PTPRG: variants seen among roughly 807,000 people sequenced by gnomAD.
PTPRG encodes the protein protein tyrosine phosphatase receptor type G.
In PTPRG, 102 loss-of-function variants were observed where a neutral mutation model predicts 165.3. That is an observed-to-expected ratio of 0.62 (90% CI 0.53 to 0.73). PTPRG has a LOEUF of 0.73. Among genes scored for constraint, PTPRG ranks in the 30% least tolerant of loss-of-function variants. PTPRG has a pLI of 0.00. For synonymous variants in PTPRG, 675 were observed against 669.5 expected (o/e 1.01, Z -0.13); for missense variants, 1,866 against 1,861.4 (o/e 1.00, Z -0.05).
intron 13 of PTPRG, among the ~76,000 whole-genome samples, chr3:62,220,304 G>A (rs1214288187): frequency 1.3e-5 from 2 of 152,236 alleles, no homozygotes; most frequent in Non-Finnish European, 2.9e-5. Flanking sequence ...AGAATGTTAT[G>A]ATTTGACTTG....
At chr3:62,137,107 G>C (rs1324192115) in intron 6 of PTPRG, among the ~76,000 whole-genome samples, 1 of 152,174 alleles carries the variant, frequency 6.6e-6, no homozygotes, top group Non-Finnish European at 1.5e-5. Context: ...TGCAGTGATA[G>C]ATGGAAGCAC....
intron 5 of PTPRG, among the ~76,000 whole-genome samples, chr3:62,109,935 C>T (rs764202322): frequency 6.6e-5 from 10 of 152,124 alleles, no homozygotes; most frequent in Non-Finnish European, 1.2e-4. Context: ...ATCACCAGCA[C>T]ACCCTCTGGC....
In PTPRG at chr3:62,296,565, C is replaced by T. The variant is rs769918915; in HGVS notation, c.*3258C>T. On this transcript the variant is annotated 3_prime_UTR_variant, in exon 30 of 30. Coordinates refer to ENST00000474889, the MANE Select transcript of PTPRG (RefSeq NM_002841.4). ...TTGTCTTAAGAATTTAGTGGTTATA[C>T]TGGAAATGCATTTTCAACTCCTATG... The T allele has an allele frequency of 1.3e-5, 2 of 150,608 alleles. No homozygotes were observed. Among genetic ancestry groups the T allele is most frequent in the African/African-American group, 2.4e-5 (1 of 41,056 alleles). The allele number at this position is 150,608 out of a possible 1,614,324, so 9.3% of individuals were successfully genotyped here.
chr3:61,661,453 C>T (rs1702666899), intron 1 of PTPRG, among the ~76,000 whole-genome samples: 1 of 151,796 alleles, frequency 6.6e-6, no homozygotes, highest in Non-Finnish European at 1.5e-5. Flanking sequence ...TCTTATTTAT[C>T]TGGCTTCCTA....
At chr3:62,012,973 T>C (rs2041462859) in intron 4 of PTPRG, among the ~76,000 whole-genome samples, 1 of 152,210 alleles carries the variant, frequency 6.6e-6, no homozygotes, top group African/African-American at 2.4e-5. Flanking sequence ...CAATACTATC[T>C]GGTAAAAATA....
At chr3:61,749,199 A>C (rs2033335376) in intron 2 of PTPRG, 1 of 656,894 alleles carries the variant, frequency 1.5e-6, no homozygotes, top group South Asian at 1.5e-5. Context: ...TTTTCCCCTC[A>C]ATTTGCGTTT....
chr3:61,758,597 G>A (rs945402438), intron 2 of PTPRG, among the ~76,000 whole-genome samples: 3 of 151,940 alleles, frequency 2.0e-5, no homozygotes, highest in African/African-American at 7.3e-5. Context: ...GACTACAGGC[G>A]TGCACCACCA....
chr3:61,976,636 A>G (rs530365984), intron 2 of PTPRG, among the ~76,000 whole-genome samples: 2 of 152,144 alleles, frequency 1.3e-5, no homozygotes, highest in South Asian at 4.2e-4. Flanking sequence ...TTTAATATGG[A>G]TCTGATATAA....
At position 61,719,169 on chromosome 3, in the gene PTPRG, T is replaced by C. The variant is rs185063717; in HGVS notation, c.86-29709T>C. Reference sequence around the variant, plus strand: ...TGCCTGCTGTGAAACTGTACGATCTTACAATGGAGAGAGAAGAATGGCAAT... The same window carrying C: ...TGCCTGCTGTGAAACTGTACGATCTCACAATGGAGAGAGAAGAATGGCAAT... On this transcript the variant is annotated intron_variant, in intron 1 of 29. Transcript: ENST00000474889. 7.6e-4 allele frequency among the ~76,000 whole-genome samples: 116 copies of C among 152,320 alleles called. 1 individual carries two copies. The highest frequency in any genetic ancestry group is 2.6e-3 in the African/African-American group (110 of 41,576).
At chr3:62,147,619 T>C (rs1284834799) in intron 6 of PTPRG, among the ~76,000 whole-genome samples, 2 of 152,210 alleles carry the variant, frequency 1.3e-5, no homozygotes, top group African/African-American at 4.8e-5. Context: ...GATGTTGACT[T>C]GGAGATGAGG....
rs775348956 is a variant in PTPRG, at chr3:62,272,944, A to G, written c.3183-2A>G. ...CCAGTTGAGTGTCTTCATTTCTTAC[A>G]GTGCTGGTGTGGGCAGAACAGGCAC... On this transcript the variant is annotated splice_acceptor_variant, in intron 21 of 29. Coordinates refer to ENST00000474889, the MANE Select transcript of PTPRG (RefSeq NM_002841.4). LOFTEE classifies it high-confidence loss of function. 6.3e-7 allele frequency: 1 copy of G among 1,583,388 alleles called. No individual in the cohort carries two copies. Among genetic ancestry groups the G allele is most frequent in the Non-Finnish European group, 8.6e-7 (1 of 1,167,700 alleles).
intron 4 of PTPRG, among the ~76,000 whole-genome samples, chr3:62,077,342 A>G (rs1192317943): frequency 6.6e-6 from 1 of 152,124 alleles, no homozygotes; most frequent in Non-Finnish European, 1.5e-5. Context: ...GGTTGGGATG[A>G]AAGCACATGG....
At chr3:61,769,861 C>G (rs571637854) in intron 2 of PTPRG, 1 of 152,222 alleles carries the variant, frequency 6.6e-6, no homozygotes, top group South Asian at 2.1e-4. Context: ...ATTAGACAAT[C>G]AGAAGTGTTT....
At chr3:62,020,830 GCACA>G (rs1265529239) in intron 4 of PTPRG, among the ~76,000 whole-genome samples, 1 of 141,434 alleles carries the variant, frequency 7.1e-6, no homozygotes, top group East Asian at 2.0e-4. Context: ...GTGTCACCAT[GCACA>G]GGTTTTTTTT....
At chr3:61,580,381 A>ATTTT (rs36020375) in intron 1 of PTPRG, among the ~76,000 whole-genome samples, 8 of 137,676 alleles carry the variant, frequency 5.8e-5, no homozygotes, top group South Asian at 2.3e-4. Context: ...CTCTATTCTG[A>ATTTT]TTTTTTTTTT....
chr3:61,680,367 G>C (rs1271303788), intron 1 of PTPRG, among the ~76,000 whole-genome samples: 1 of 152,036 alleles, frequency 6.6e-6, no homozygotes, highest in Non-Finnish European at 1.5e-5. Flanking sequence ...ACCTGCACCA[G>C]CATCGGCCTG....
intron 1 of PTPRG, among the ~76,000 whole-genome samples, chr3:61,590,088 G>A (rs1224515469): frequency 6.6e-6 from 1 of 152,002 alleles, no homozygotes; most frequent in Non-Finnish European, 1.5e-5. Flanking sequence ...TAGAGCTTGT[G>A]TCCGTGTACC....
At chr3:62,178,588 C>T (rs1705525906) in intron 8 of PTPRG, among the ~76,000 whole-genome samples, 1 of 152,168 alleles carries the variant, frequency 6.6e-6, no homozygotes. Flanking sequence ...AAGGAACAGC[C>T]TAAAAGCAGA....
Position 62,036,985 on chromosome 3 carries a change from A to G in PTPRG, c.519+33488A>G, listed in dbSNP as rs11714939. On this transcript the variant is annotated intron_variant, in intron 4 of 29. Transcript: ENST00000474889. ...GTGCTGCACGTGCGCGCGCGCACGC[A>G]CACACACACACACACACACACACAG... Among the ~76,000 whole-genome samples the G allele has an allele frequency of 4.7e-3, 423 of 89,484 alleles. 2 individuals are homozygous for G. Among genetic ancestry groups the G allele is most frequent in the African/African-American group, 0.016 (393 of 24,698 alleles). The allele number at this position is 89,484 out of a possible 152,430, so 58.7% of individuals were successfully genotyped here.
Sources: gnomAD v4.1 joint callset for allele counts (sites outside exome capture counted in the v4.1 genomes callset) on GRCh38, gnomAD v4.1.1 for gene constraint, MANE v1.5 for transcripts, NCBI Gene and HGNC (gene_info 2026-07-23, HGNC 2026-07-21) for gene names.